The following RTN1 variants were observed in gnomAD, a reference collection of about 807,000 sequenced individuals.
RTN1 encodes the protein reticulon 1, also known as reticulon-1.
Under a neutral mutation model 65.5 loss-of-function variants are expected in RTN1, and 25 were observed. That is an observed-to-expected ratio of 0.38 (90% CI 0.28 to 0.53). The LOEUF is 0.53. Among genes scored for constraint, RTN1 ranks in the 20% least tolerant of loss-of-function variants. The probability of loss-of-function intolerance (pLI) is 0.79; values close to 1 mark genes in which losing one functional copy is unlikely to be tolerated. For missense variants in RTN1, 983 were observed against 1,025.4 expected, an observed-to-expected ratio of 0.96 and a Z score of 0.57; for synonymous variants, 471 against 447.6, an observed-to-expected ratio of 1.05 and a Z score of -0.66.
At chr14:59,664,454 C>T (rs2140209647) in intron 3 of RTN1, among the ~76,000 whole-genome samples, 1 of 152,200 alleles carries the variant, frequency 6.6e-6, no homozygotes, top group Admixed American at 6.5e-5. Context: ...TATCCCATTA[C>T]TTCAAGTATA....
intron 2 of RTN1, among the ~76,000 whole-genome samples, chr14:59,739,335 C>T (rs115890945): frequency 0.013 from 1,957 of 151,896 alleles, 25 homozygotes; most frequent in African/African-American, 0.046. Flanking sequence ...GCCAGGAGTT[C>T]GGGGAGACCA....
At chr14:59,806,484 G>A in intron 1 of RTN1, among the ~76,000 whole-genome samples, 1 of 151,816 alleles carries the variant, frequency 6.6e-6, no homozygotes, top group African/African-American at 2.4e-5. Flanking sequence ...TTTATTTTAA[G>A]GTCTGGGGTA....
chr14:59,757,670 G>A (rs1389224360), intron 1 of RTN1, among the ~76,000 whole-genome samples: 1 of 152,168 alleles, frequency 6.6e-6, no homozygotes, highest in Non-Finnish European at 1.5e-5. Context: ...ACTACTTGAG[G>A]ACGCAGAGAG....
At chr14:59,862,868 C>A (rs912117363) in intron 1 of RTN1, among the ~76,000 whole-genome samples, 1 of 152,124 alleles carries the variant, frequency 6.6e-6, no homozygotes, top group Non-Finnish European at 1.5e-5. Context: ...TCTTCTCAAA[C>A]TTTCAACAAT....
chr14:59,741,717 C>T (rs746030995), intron 2 of RTN1, among the ~76,000 whole-genome samples: 6 of 152,232 alleles, frequency 3.9e-5, no homozygotes, highest in Admixed American at 6.5e-5. Context: ...CTCTGCCCCA[C>T]TTCCCTCTTC....
Position 59,804,121 on chromosome 14 carries a change from C to T in RTN1, c.242-57640G>A, listed in dbSNP as rs530634903. ...CTGTCTTCCAGGATCCCATCCAGGA[C>T]ACCCCATTACATTTAATTGTCATGT... On this transcript the variant is annotated intron_variant, in intron 1 of 8. Transcript: ENST00000267484. 4.6e-5 allele frequency among the ~76,000 whole-genome samples: 7 copies of T among 152,304 alleles called. 1 individual carries two copies. The highest frequency in any genetic ancestry group is 1.0e-4 in the Non-Finnish European group (7 of 68,026).
intron 3 of RTN1, among the ~76,000 whole-genome samples, chr14:59,670,727 C>G (rs1044452958): frequency 6.6e-6 from 1 of 152,150 alleles, no homozygotes; most frequent in African/African-American, 2.4e-5. Context: ...TATGCTGGAA[C>G]AGGCTAAATA....
intron 3 of RTN1, among the ~76,000 whole-genome samples, chr14:59,672,026 G>C (rs1883515343): frequency 6.6e-6 from 1 of 152,178 alleles, no homozygotes; most frequent in Non-Finnish European, 1.5e-5. Flanking sequence ...TTAGTAGGAA[G>C]CACAAATGTT....
intron 1 of RTN1, among the ~76,000 whole-genome samples, chr14:59,784,783 A>T (rs1886223323): frequency 6.6e-6 from 1 of 152,224 alleles, no homozygotes; most frequent in African/African-American, 2.4e-5. Flanking sequence ...TAAGTATAAT[A>T]ACTCTTGGTA....
In RTN1 at chr14:59,734,811, C is replaced by T. The variant is rs556691873; in HGVS notation, c.1016-7143G>A. Among the ~76,000 whole-genome samples, 40 of 152,238 alleles carry T rather than the reference C, an allele frequency of 2.6e-4. No individual in the cohort carries two copies. The South Asian group carries it at 8.3e-3, about 32-fold the overall frequency. On this transcript the variant is annotated intron_variant, in intron 2 of 8. Coordinates refer to ENST00000267484, the MANE Select transcript of RTN1 (RefSeq NM_021136.3). ...GAATAGAACCAAGTTGGAAAACATA[C>T]TTCAGAATATTACCCAGGAAAACTT...
intron 3 of RTN1, among the ~76,000 whole-genome samples, chr14:59,718,932 C>G (rs1421753600): frequency 6.6e-6 from 1 of 152,164 alleles, no homozygotes; most frequent in Non-Finnish European, 1.5e-5. Flanking sequence ...AAGCATATCT[C>G]AAATCCATCC....
At chr14:59,798,974 T>C (rs1886489234) in intron 1 of RTN1, among the ~76,000 whole-genome samples, 1 of 152,220 alleles carries the variant, frequency 6.6e-6, no homozygotes, top group Non-Finnish European at 1.5e-5. Flanking sequence ...CTAAGATCTC[T>C]TGAAAAACAA....
At chr14:59,610,270 G>A (rs1217560920) in intron 3 of RTN1, 1 of 644,768 alleles carries the variant, frequency 1.6e-6, no homozygotes, top group African/African-American at 1.8e-5. Flanking sequence ...ACATGAGTTT[G>A]GTGTAGGGTC....
In RTN1 at chr14:59,607,355, T is replaced by C. The variant is rs1273300198; in HGVS notation, c.1903A>G (p.Thr635Ala). The change falls in exon 4 of 9, where the codon ACC becomes GCC. Residue 635 changes from threonine to alanine, a missense_variant. Thr to Ala is a moderately conservative substitution (Grantham distance 58). Around this residue, in one of 2 missense-constraint regions of RTN1, gnomAD observed 165 missense variants for 223.6 expected, o/e 0.74. Transcript: ENST00000267484. ...GACTTGTAGATGCGGAAACTGATGG[T>C]GGCTGAGAGTGCGGCCAGGGCCAGG... ...AYLALAALSATISFRIYKSVL... is the reference protein window; with the variant it reads ...AYLALAALSAAISFRIYKSVL... 5 of 1,613,544 alleles carry C rather than the reference T, an allele frequency of 3.1e-6. No homozygotes were observed. Among genetic ancestry groups the C allele is most frequent in the Non-Finnish European group, 3.4e-6 (4 of 1,179,906 alleles).
At chr14:59,729,167 G>T (rs1036417659) in intron 2 of RTN1, among the ~76,000 whole-genome samples, 1 of 152,196 alleles carries the variant, frequency 6.6e-6, no homozygotes, top group Non-Finnish European at 1.5e-5. Flanking sequence ...GAGGAAAACA[G>T]ATAATGCAAA....
chr14:59,672,525 T>C (rs928025612), intron 3 of RTN1, among the ~76,000 whole-genome samples: 1 of 152,166 alleles, frequency 6.6e-6, no homozygotes, highest in Admixed American at 6.5e-5. Context: ...AGGTGCTGTC[T>C]TTCTCAAGCA....
chr14:59,750,065 T>G (rs888193262), intron 1 of RTN1, among the ~76,000 whole-genome samples: 1 of 27,148 alleles, frequency 3.7e-5, no homozygotes, highest in African/African-American at 1.5e-4. Context: ...TATACATATA[T>G]TATATATTAT....
At chr14:59,660,411 C>T (rs1466298804) in intron 3 of RTN1, among the ~76,000 whole-genome samples, 3 of 152,166 alleles carry the variant, frequency 2.0e-5, no homozygotes, top group Non-Finnish European at 4.4e-5. Flanking sequence ...CTACAGAACT[C>T]TCCACCCCAA....
chr14:59,800,350 C>T (rs992924343), intron 1 of RTN1, among the ~76,000 whole-genome samples: 2 of 152,156 alleles, frequency 1.3e-5, no homozygotes, highest in Admixed American at 1.3e-4. Flanking sequence ...TGATGTTTGG[C>T]ATTTATTCAA....
Sources: allele counts gnomAD v4.1 joint callset (sites outside exome capture counted in the v4.1 genomes callset), GRCh38; gene constraint gnomAD v4.1.1; regional missense constraint gnomAD v4.1.1; transcripts MANE v1.5; gene names NCBI Gene and HGNC (gene_info 2026-07-23, HGNC 2026-07-21).